The following CCDC102B variants were observed in gnomAD, a reference collection of about 807,000 sequenced individuals.
The protein encoded by CCDC102B is coiled-coil domain-containing protein 102B.
Under a neutral mutation model 57.4 loss-of-function variants are expected in CCDC102B, and 75 were observed. The ratio of observed to expected loss-of-function variants is 1.31; its 90% CI spans 1.08 to 1.58. The LOEUF (loss-of-function observed/expected upper bound fraction) is 1.58. Among genes scored for constraint, CCDC102B ranks in the 40% most tolerant of loss-of-function variants. The pLI is 0.00. For synonymous variants in CCDC102B, 206 were observed against 201.9 expected (o/e 1.02, Z -0.17); for missense variants, 636 against 582.6 (o/e 1.09, Z -0.94).
intron 6 of CCDC102B, among the ~76,000 whole-genome samples, chr18:68,948,924 A>T (rs182620433): frequency 3.7e-4 from 56 of 152,254 alleles, no homozygotes; most frequent in Middle Eastern, 3.4e-3. Flanking sequence ...ATTAACTTAC[A>T]CGATCACAAG....
intron 4 of CCDC102B, among the ~76,000 whole-genome samples, chr18:68,855,753 A>T (rs190286355): frequency 6.6e-6 from 1 of 152,288 alleles, no homozygotes; most frequent in African/African-American, 2.4e-5. Flanking sequence ...GAGTTCCTGT[A>T]ATCTGCTATG....
chr18:68,813,128 G>GT (rs750267875), intron 1 of CCDC102B, among the ~76,000 whole-genome samples: 31 of 152,132 alleles, frequency 2.0e-4, no homozygotes, highest in Non-Finnish European at 4.1e-4. Flanking sequence ...TTGTGATAGA[G>GT]TGTAGAGTTC....
At chr18:68,917,389 C>T (rs1482814052) in intron 6 of CCDC102B, among the ~76,000 whole-genome samples, 1 of 152,086 alleles carries the variant, frequency 6.6e-6, no homozygotes, top group Non-Finnish European at 1.5e-5. Flanking sequence ...GCTACACGTA[C>T]TGTGGAAACT....
At chr18:68,783,891 T>C (rs2035092648) in intron 2 of CCDC102B, among the ~76,000 whole-genome samples, 2 of 152,188 alleles carry the variant, frequency 1.3e-5, no homozygotes, top group African/African-American at 2.4e-5. Flanking sequence ...ATGAGTGTTT[T>C]TGAGTATAAT....
chr18:68,790,488 A>T (rs113733167), intron 2 of CCDC102B, among the ~76,000 whole-genome samples: 9,408 of 151,044 alleles, frequency 0.062, 496 homozygotes, highest in African/African-American at 0.14. Context: ...CGAGACTCCG[A>T]GGGCGTAGGA....
intron 5 of CCDC102B, among the ~76,000 whole-genome samples, chr18:68,875,635 A>C (rs939844347): frequency 6.6e-6 from 1 of 152,126 alleles, no homozygotes; most frequent in Non-Finnish European, 1.5e-5. Context: ...TGCAATGGGA[A>C]ATATACAGAT....
intron 2 of CCDC102B, among the ~76,000 whole-genome samples, chr18:68,747,577 T>C (rs544500689): frequency 6.6e-6 from 1 of 152,088 alleles, no homozygotes; most frequent in Non-Finnish European, 1.5e-5. Flanking sequence ...TTTCTATGAG[T>C]TTGGCTATTA....
At chr18:68,803,716 T>C (rs1350303621) in intron 1 of CCDC102B, among the ~76,000 whole-genome samples, 1 of 146,278 alleles carries the variant, frequency 6.8e-6, no homozygotes, top group African/African-American at 2.8e-5. Flanking sequence ...TTGCATTTTT[T>C]GCCATTACTT....
At chr18:68,920,574 C>T (rs1022167017) in intron 6 of CCDC102B, among the ~76,000 whole-genome samples, 5 of 152,026 alleles carry the variant, frequency 3.3e-5, no homozygotes, top group African/African-American at 1.2e-4. Flanking sequence ...GTGAAAGGCA[C>T]TTCTCACACT....
intron 6 of CCDC102B, among the ~76,000 whole-genome samples, chr18:68,977,936 C>T (rs1229475125): frequency 1.3e-5 from 2 of 151,928 alleles, no homozygotes; most frequent in African/African-American, 4.8e-5. Flanking sequence ...CATACAGATC[C>T]ACATAGGAGC....
intron 2 of CCDC102B, chr18:68,717,887 G>C (rs905990163): frequency 4.6e-5 from 7 of 152,162 alleles, no homozygotes; most frequent in Non-Finnish European, 7.3e-5. Flanking sequence ...AACATTAAGA[G>C]GTGGGGCCAT....
At chr18:68,760,160 C>G (rs1294506175) in intron 2 of CCDC102B, among the ~76,000 whole-genome samples, 1 of 152,028 alleles carries the variant, frequency 6.6e-6, no homozygotes, top group African/African-American at 2.4e-5. Context: ...CCATTTAGCA[C>G]AGTTTGGTTT....
At chr18:69,049,209 G>A (rs545531210) in intron 7 of CCDC102B, among the ~76,000 whole-genome samples, 1 of 151,992 alleles carries the variant, frequency 6.6e-6, no homozygotes, top group Non-Finnish European at 1.5e-5. Flanking sequence ...CCCCCTGACA[G>A]GCCCTGCTGT....
At chr18:68,946,512 CTTTATG>C (rs746485347) in intron 6 of CCDC102B, among the ~76,000 whole-genome samples, 13 of 151,976 alleles carry the variant, frequency 8.6e-5, no homozygotes, top group African/African-American at 1.2e-4. Flanking sequence ...GATCCTGCAT[CTTTATG>C]TTTATATCAT....
chr18:68,737,897 C>T (rs2033217042), intron 2 of CCDC102B, among the ~76,000 whole-genome samples: 2 of 152,116 alleles, frequency 1.3e-5, no homozygotes, highest in South Asian at 4.2e-4. Flanking sequence ...GAATGCTGCA[C>T]CCACAGAGAC....
At chr18:68,926,131 T>G (rs1190418817) in intron 6 of CCDC102B, among the ~76,000 whole-genome samples, 1 of 151,958 alleles carries the variant, frequency 6.6e-6, no homozygotes, top group Non-Finnish European at 1.5e-5. Flanking sequence ...TAATGGAATA[T>G]TTCATGATTC....
intron 6 of CCDC102B, among the ~76,000 whole-genome samples, chr18:69,007,334 C>G (rs889423022): frequency 6.6e-6 from 1 of 152,058 alleles, no homozygotes; most frequent in Non-Finnish European, 1.5e-5. Context: ...TCTGCCAACC[C>G]CAGGTGTAAG....
chr18:68,950,467 A>G (rs2049665008), intron 6 of CCDC102B, among the ~76,000 whole-genome samples: 1 of 152,204 alleles, frequency 6.6e-6, no homozygotes, highest in Non-Finnish European at 1.5e-5. Context: ...AAAAGAAAGT[A>G]TAATATTATG....
chr18:68,920,540 G>A (rs1418010298), intron 6 of CCDC102B, among the ~76,000 whole-genome samples: 2 of 152,098 alleles, frequency 1.3e-5, no homozygotes, highest in African/African-American at 4.8e-5. Flanking sequence ...TATGGCTGGG[G>A]AGGCCTCAGA....
Sources: allele counts gnomAD v4.1 joint callset (sites outside exome capture counted in the v4.1 genomes callset), GRCh38; gene constraint gnomAD v4.1.1; transcripts MANE v1.5; gene names NCBI Gene and HGNC (gene_info 2026-07-23, HGNC 2026-07-21).